NAF1: variants seen among roughly 807,000 people sequenced by gnomAD.
NAF1 encodes the protein nuclear assembly factor 1 ribonucleoprotein, also known as H/ACA ribonucleoprotein complex non-core subunit NAF1.
Under a neutral mutation model 40.6 loss-of-function variants are expected in NAF1, and 11 were observed. That is an observed-to-expected ratio of 0.27 (90% CI 0.17 to 0.45). The LOEUF (loss-of-function observed/expected upper bound fraction) is 0.45. Among genes scored for constraint, NAF1 ranks in the 20% least tolerant of loss-of-function variants. The pLI is 1.00. For synonymous variants in NAF1, 260 were observed against 228.5 expected (o/e 1.14, Z -1.24); for missense variants, 607 against 611.1 (o/e 0.99, Z 0.07).
chr4:163,166,571 C>T lies in NAF1; in HGVS notation c.157G>A (p.Ala53Thr). ...GGCTTAACCTCCACGGTCTGCCCAGCGTCCGGGGACCCCTCAAACGACTGT... is the reference window on the plus strand; with the variant it reads ...GGCTTAACCTCCACGGTCTGCCCAGTGTCCGGGGACCCCTCAAACGACTGT... Reference protein sequence around the residue: ...PLQSFEGSPDAGQTVEVKPAG... With the variant: ...PLQSFEGSPDTGQTVEVKPAG... The change falls in exon 1 of 8, where the codon GCT (alanine) becomes ACT (threonine). Residue 53 changes from alanine to threonine, a missense_variant. Around this residue, in one of 3 missense-constraint regions of NAF1, gnomAD observed 407 missense variants for 365.5 expected, o/e 1.11. Coordinates refer to ENST00000274054, the MANE Select transcript of NAF1 (RefSeq NM_138386.3). The T allele has an allele frequency of 3.7e-6, 6 of 1,608,002 alleles. No homozygotes were observed. The highest frequency in any genetic ancestry group is 5.1e-6 in the Non-Finnish European group (6 of 1,177,924).
chr4:163,138,431 G>A (rs1157922801), intron 5 of NAF1, among the ~76,000 whole-genome samples: 2 of 151,990 alleles, frequency 1.3e-5, no homozygotes, highest in East Asian at 1.9e-4. Context: ...CAACTAGTGC[G>A]TCTATTACAA....
At chr4:163,106,991 T>G (rs896699396), downstream of NAF1, among the ~76,000 whole-genome samples, 1 of 151,488 alleles carries the variant, frequency 6.6e-6, no homozygotes, top group African/African-American at 2.4e-5. Context: ...TTTGAGGCTT[T>G]CTTTTTTTTT....
At position 163,145,873 on chromosome 4, in the gene NAF1, T is replaced by C. The variant is rs1731444663; in HGVS notation, c.635-9A>G. 3.2e-6 allele frequency: 4 copies of C among 1,234,548 alleles called. No homozygotes were observed. The highest frequency in any genetic ancestry group is 4.7e-6 in the Non-Finnish European group (4 of 858,976). 76.5% of individuals were successfully genotyped at this position (1,234,548 alleles called of 1,614,324 possible). A position where few individuals can be genotyped will look rare whatever the true frequency, so the allele number is the denominator to read the frequency against. On this transcript the variant is annotated splice_polypyrimidine_tract_variant and intron_variant, in intron 3 of 7. Transcript: ENST00000274054. Reference sequence around the variant, plus strand: ...CATAGATTCAATTATTACTGAAAAATAAAATAGATTACTTCAAGATTTACT... The same window carrying C: ...CATAGATTCAATTATTACTGAAAAACAAAATAGATTACTTCAAGATTTACT...
At chr4:163,164,126 A>G (rs1025761465) in intron 2 of NAF1, 91 bp downstream of exon 2, 2 of 1,335,160 alleles carry the variant, frequency 1.5e-6, no homozygotes, top group African/African-American at 3.1e-5. Context: ...TTTCAAATTT[A>G]TGGAGCAGAT....
At chr4:163,119,649 A>G (rs6536703) in intron 2 of NAF1, 8 of 152,216 alleles carry the variant, frequency 5.3e-5, no homozygotes, top group African/African-American at 1.9e-4. Context: ...GCTATCTTCT[A>G]TGACAGCACT....
At chr4:163,130,085 G>C (rs1183091053) in intron 7 of NAF1, among the ~76,000 whole-genome samples, 1 of 152,168 alleles carries the variant, frequency 6.6e-6, no homozygotes, top group Non-Finnish European at 1.5e-5. Context: ...TTCGCTGCCA[G>C]AGTAGCATTT....
intron 2 of NAF1, among the ~76,000 whole-genome samples, chr4:163,148,825 T>C (rs1731581471): frequency 6.6e-6 from 1 of 152,190 alleles, no homozygotes; most frequent in Non-Finnish European, 1.5e-5. Context: ...ACATAAGTTC[T>C]TTTAGCTGTC....
At chr4:163,131,640 G>C (rs949116059) in intron 7 of NAF1, among the ~76,000 whole-genome samples, 1 of 151,968 alleles carries the variant, frequency 6.6e-6, no homozygotes, top group Admixed American at 6.5e-5. Flanking sequence ...AAACTTTTAG[G>C]GAAAAAATAG....
chr4:163,150,541 T>C (rs1417307986), intron 2 of NAF1, among the ~76,000 whole-genome samples: 1 of 151,396 alleles, frequency 6.6e-6, no homozygotes, highest in Non-Finnish European at 1.5e-5. Context: ...AACAAAAACA[T>C]ATATCTAATT....
At chr4:163,117,680 T>TAC (rs55869899) in intron 2 of NAF1, among the ~76,000 whole-genome samples, 33,874 of 134,698 alleles carry the variant, frequency 0.25, 4,515 homozygotes, top group Middle Eastern at 0.38. Flanking sequence ...CTGGAAGCAA[T>TAC]ACACACACAC....
intron 5 of NAF1, among the ~76,000 whole-genome samples, chr4:163,137,632 A>C (rs1039287566): frequency 1.3e-5 from 2 of 152,168 alleles, no homozygotes; most frequent in Non-Finnish European, 2.9e-5. Flanking sequence ...AGGACATAAA[A>C]ATGACTATGA....
chr4:163,130,717 G>A (rs1730838010), intron 7 of NAF1, among the ~76,000 whole-genome samples: 1 of 152,266 alleles, frequency 6.6e-6, no homozygotes, highest in East Asian at 1.9e-4. Context: ...AAATGGGGCT[G>A]GAACACCTGG....
intron 2 of NAF1, among the ~76,000 whole-genome samples, chr4:163,153,980 C>T (rs896996914): frequency 1.3e-5 from 2 of 151,800 alleles, no homozygotes; most frequent in South Asian, 2.1e-4. Context: ...CTGGGAGGAA[C>T]AAACAACTCC....
At chr4:163,133,361 T>TA (rs1285161667) in intron 6 of NAF1, 105 bp from the exon 7 acceptor site, 3 of 744,838 alleles carry the variant, frequency 4.0e-6, no homozygotes, top group Non-Finnish European at 6.5e-6. Context: ...TCAATGACTC[T>TA]AAAAAAAGTT....
At chr4:163,127,994 C>A (rs944766940), downstream of NAF1, among the ~76,000 whole-genome samples, 3 of 152,206 alleles carry the variant, frequency 2.0e-5, no homozygotes, top group South Asian at 4.1e-4. Flanking sequence ...AACACTTAGG[C>A]TCCTCATTTA....
intron 2 of NAF1, among the ~76,000 whole-genome samples, chr4:163,151,670 A>G (rs945553434): frequency 5.3e-5 from 8 of 152,136 alleles, no homozygotes; most frequent in Non-Finnish European, 1.0e-4. Flanking sequence ...ATGACGGGCT[A>G]GTTCCTTTAC....
At chr4:163,114,080 A>G (rs568371135) in intron 2 of NAF1, among the ~76,000 whole-genome samples, 2 of 152,238 alleles carry the variant, frequency 1.3e-5, no homozygotes, top group Non-Finnish European at 2.9e-5. Context: ...AAACTGGAAA[A>G]GGAAAGACTG....
chr4:163,165,863 C>T (rs1732436549), intron 1 of NAF1, among the ~76,000 whole-genome samples: 1 of 152,094 alleles, frequency 6.6e-6, no homozygotes, highest in South Asian at 2.1e-4. Flanking sequence ...AACACGTGTT[C>T]CCTGCAAGGA....
chr4:163,118,272 A>AGCTT (rs1390310737), intron 2 of NAF1, among the ~76,000 whole-genome samples: 1 of 152,230 alleles, frequency 6.6e-6, no homozygotes, highest in East Asian at 1.9e-4. Flanking sequence ...TCTCTCAAGT[A>AGCTT]GCTTCTCTGT....
Sources: gnomAD v4.1 joint callset for allele counts (sites outside exome capture counted in the v4.1 genomes callset) on GRCh38, gnomAD v4.1.1 for gene constraint, gnomAD v4.1.1 regional missense constraint, MANE v1.5 for transcripts, NCBI Gene and HGNC (gene_info 2026-07-23, HGNC 2026-07-21) for gene names.